The following RD3 variants were observed in gnomAD, a reference collection of about 807,000 sequenced individuals.
RD3 encodes protein RD3.
Under a neutral mutation model 16.9 loss-of-function variants are expected in RD3, and 11 were observed. The ratio of observed to expected loss-of-function variants is 0.65; its 90% confidence interval spans 0.41 to 1.08. RD3 has a LOEUF of 1.08. Ranked by LOEUF, RD3 falls within the 50% of genes least tolerant of loss-of-function variation. The pLI is 0.00. For synonymous variants in RD3, 116 were observed against 114.8 expected (o/e 1.01, Z -0.07); for missense variants, 274 against 267.4 (o/e 1.02, Z -0.17).
chr1:211,486,615 G>A (rs943725024), intron 1 of RD3, among the ~76,000 whole-genome samples: 4 of 150,836 alleles, frequency 2.7e-5, no homozygotes, highest in South Asian at 2.1e-4. Flanking sequence ...TTGGGAGGCC[G>A]GTGCAAGTGG....
chr1:211,478,040 G>A lies in RD3; in HGVS notation c.*996C>T, dbSNP rs1260778767. ...CACTCAGCTGCCTCAAGGTCAGTCA[G>A]GGGTTTGGGCATCACTTTCTGGAGA... On this transcript the variant is annotated 3_prime_UTR_variant, in exon 3 of 3. Transcript: ENST00000680073. The A allele has an allele frequency of 5.0e-6, 2 of 398,586 alleles. No individual in the cohort carries two copies. The highest frequency in any genetic ancestry group is 8.8e-6 in the Non-Finnish European group (2 of 226,116). The allele number at this position is 398,586 out of a possible 1,614,324, so 24.7% of individuals were successfully genotyped here.
intron 2 of RD3, among the ~76,000 whole-genome samples, chr1:211,480,787 A>G (rs1020651654): frequency 1.3e-5 from 2 of 152,364 alleles, no homozygotes; most frequent in East Asian, 3.9e-4. Context: ...GTAATATTGA[A>G]GATAAACTGA....
rs1705252795 is a variant in RD3, at chr1:211,481,270, T to A, written c.146A>T (p.Asn49Ile). Residue 49 changes from asparagine (N) to isoleucine (I), a missense_variant, in exon 2 of 3, where the codon AAT becomes ATT. Coordinates refer to ENST00000680073, the MANE Select transcript of RD3 (RefSeq NM_001164688.2). ...ACCGGTGCAGACCTTTCTGACCGCA[T>A]TGCTGCGCTCCCGCTGCTGCCTCTC... ...EAERQQRERS[N>I]AVRKVCTGVD... 1.9e-6 allele frequency: 3 copies of A among 1,614,260 alleles called. No individual in the cohort carries two copies. The highest frequency in any genetic ancestry group is 1.7e-6 in the Non-Finnish European group (2 of 1,180,050).
Position 211,478,850 on chromosome 1 carries a change from T to C in RD3, c.*186A>G, listed in dbSNP as rs1030041897. 4 of 612,508 alleles carry C rather than the reference T, an allele frequency of 6.5e-6. No individual in the cohort carries two copies. Among genetic ancestry groups the C allele is most frequent in the Non-Finnish European group, 1.1e-5 (4 of 354,764 alleles). 37.9% of individuals were successfully genotyped at this position (612,508 alleles called of 1,614,324 possible). On this transcript the variant is annotated 3_prime_UTR_variant, in exon 3 of 3. Coordinates refer to ENST00000680073, the MANE Select transcript of RD3 (RefSeq NM_001164688.2). ...TGCCGCTCTACGACCTAACTCAGCT[T>C]TGTGGCCAGAGGAAGAGGATGGGGC...
intron 1 of RD3, among the ~76,000 whole-genome samples, chr1:211,486,124 C>T (rs1358766656): frequency 1.3e-5 from 2 of 148,552 alleles, no homozygotes; most frequent in African/African-American, 5.0e-5. Context: ...GCACTCCAGC[C>T]TGGGTGACAG....
At chr1:211,482,217 C>T (rs923297988) in intron 1 of RD3, among the ~76,000 whole-genome samples, 6 of 141,948 alleles carry the variant, frequency 4.2e-5, no homozygotes, top group Admixed American at 6.9e-5. Context: ...AGCAAAACTC[C>T]GTTTAAAAAA....
At chr1:211,479,674 G>A (rs1292011029) in intron 2 of RD3, among the ~76,000 whole-genome samples, 1 of 152,176 alleles carries the variant, frequency 6.6e-6, no homozygotes, top group Non-Finnish European at 1.5e-5. Context: ...CTTTGCCGTG[G>A]CAGCCTTCTG....
chr1:211,485,163 A>G (rs1438128946), intron 1 of RD3, among the ~76,000 whole-genome samples: 2 of 152,146 alleles, frequency 1.3e-5, no homozygotes, highest in Non-Finnish European at 2.9e-5. Context: ...CCGCTAGAGA[A>G]GGTGCTTTGT....
chr1:211,485,136 C>T (rs1705348331), intron 1 of RD3, among the ~76,000 whole-genome samples: 1 of 152,192 alleles, frequency 6.6e-6, no homozygotes, highest in African/African-American at 2.4e-5. Flanking sequence ...GGGCTTAAGG[C>T]TCCCGACCTG....
chr1:211,479,416 A>C, intron 2 of RD3, 89 bp from the exon 3 acceptor site: 1 of 1,226,220 alleles, frequency 8.2e-7, no homozygotes, highest in Admixed American at 2.2e-5. Flanking sequence ...CTGCCCGTGC[A>C]TCCTCATGGC....
intron 2 of RD3, among the ~76,000 whole-genome samples, chr1:211,479,727 A>G (rs1705225430): frequency 6.6e-6 from 1 of 152,098 alleles, no homozygotes; most frequent in Non-Finnish European, 1.5e-5. Context: ...GGCCAGCATG[A>G]TCTTTCTGAA....
chr1:211,479,186 G>A lies in RD3; in HGVS notation c.438C>T (p.Pro146=), dbSNP rs1335637376. The A allele has an allele frequency of 1.9e-6, 3 of 1,612,434 alleles. No homozygotes were observed. Among genetic ancestry groups the A allele is most frequent in the East Asian group, 2.2e-5 (1 of 44,842 alleles). ...HKLTRQWSLR[P]RGSLATFKTR... ...TCTTGAAGGTGGCCAGGCTGCCGCG[G>A]GGCCGCAGGCTCCACTGGCGCGTCA... The change falls in exon 3 of 3, where the codon CCC becomes CCT. Residue 146 remains proline (P), a synonymous_variant. Transcript: ENST00000680073.
chr1:211,482,262 C>T (rs986274973), intron 1 of RD3, among the ~76,000 whole-genome samples: 1 of 151,788 alleles, frequency 6.6e-6, no homozygotes, highest in Non-Finnish European at 1.5e-5. Flanking sequence ...CTGAAAAAAA[C>T]CAACTTACCC....
Position 211,479,000 on chromosome 1 carries a change from A to G in RD3, c.*36T>C, listed in dbSNP as rs536734715. On this transcript the variant is annotated 3_prime_UTR_variant, in exon 3 of 3. Transcript: ENST00000680073. Reference sequence around the variant, plus strand: ...GTCACCGGCCTATCATTCCCCCTGCAGAAGGCTCCGCTTCTGGGCAGGGAA... The same window carrying G: ...GTCACCGGCCTATCATTCCCCCTGCGGAAGGCTCCGCTTCTGGGCAGGGAA... 1.2e-5 allele frequency: 19 copies of G among 1,558,148 alleles called. No homozygotes were observed. Among genetic ancestry groups the G allele is most frequent in the Non-Finnish European group, 1.5e-5 (17 of 1,155,390 alleles).
chr1:211,488,646 C>A (rs1435161120), intron 1 of RD3, among the ~76,000 whole-genome samples: 1 of 152,154 alleles, frequency 6.6e-6, no homozygotes, highest in Non-Finnish European at 1.5e-5. Context: ...TGAAAGCCAG[C>A]TAGGAACATG....
At chr1:211,483,746 C>T (rs1031443771) in intron 1 of RD3, among the ~76,000 whole-genome samples, 3 of 152,116 alleles carry the variant, frequency 2.0e-5, no homozygotes, top group African/African-American at 7.2e-5. Flanking sequence ...GGAGCCTCGC[C>T]TAAGGCTAAA....
intron 1 of RD3, among the ~76,000 whole-genome samples, chr1:211,482,895 C>G (rs866826469): frequency 6.6e-6 from 1 of 151,858 alleles, no homozygotes. Context: ...ACCCTCCATA[C>G]GCAGAGAAAA....
intron 1 of RD3, among the ~76,000 whole-genome samples, chr1:211,484,029 G>T (rs17189035): frequency 0.035 from 5,251 of 152,190 alleles, 133 homozygotes; most frequent in Middle Eastern, 0.12. Context: ...CCAGGTCTAG[G>T]GTCAGCACCC....
intron 2 of RD3, among the ~76,000 whole-genome samples, chr1:211,480,272 C>T (rs2102367134): frequency 6.6e-6 from 1 of 152,098 alleles, no homozygotes; most frequent in Non-Finnish European, 1.5e-5. Context: ...CTGCAAAAAC[C>T]AAGGAGTGTG....
Sources: gnomAD v4.1 joint callset for allele counts (sites outside exome capture counted in the v4.1 genomes callset) on GRCh38, gnomAD v4.1.1 for gene constraint, MANE v1.5 for transcripts, NCBI Gene and HGNC (gene_info 2026-07-23, HGNC 2026-07-21) for gene names.